The following FBXO11 variants were observed in gnomAD, a reference collection of about 807,000 sequenced individuals.
FBXO11 encodes F-box protein 11.
Under a neutral mutation model 117.0 loss-of-function variants are expected in FBXO11, and 13 were observed. The observed-to-expected ratio is 0.11, with a 90% confidence interval of 0.07 to 0.18. The LOEUF is 0.18. Among genes scored for constraint, FBXO11 ranks in the 10% least tolerant of loss-of-function variants. The pLI, the probability that FBXO11 is intolerant of heterozygous loss-of-function variation, is 1.00. For synonymous variants in FBXO11, 490 were observed against 380.5 expected (o/e 1.29, Z -3.35); for missense variants, 767 against 1,164.4 (o/e 0.66, Z 4.97).
Position 47,855,013 on chromosome 2 carries a change from C to G in FBXO11, c.233-15244G>C, listed in dbSNP as rs185487848. Among the ~76,000 whole-genome samples the G allele has an allele frequency of 2.8e-3, 432 of 151,866 alleles. 13 individuals carry two copies. The highest frequency in any genetic ancestry group is 1.4e-3 in the East Asian group (7 of 5,182). On this transcript the variant is annotated intron_variant, in intron 1 of 22. Transcript: ENST00000403359. ...TATCAGCAATAAATTAGAAAAAGGC[C>G]TGGATTAGGGTGGTGGTAGTAAGAA...
rs1232204013 is a variant in FBXO11, at chr2:47,834,573, A to G, written c.934+6T>C. ...AAAATTTTAATGACAATGCATTTCA[A>G]AATACCTGCACCAATCATGGTGATT... On this transcript the variant is annotated splice_donor_region_variant and intron_variant, in intron 7 of 22. Coordinates refer to ENST00000403359, the MANE Select transcript of FBXO11 (RefSeq NM_001190274.2). The G allele has an allele frequency of 1.3e-6, 2 of 1,537,102 alleles. No individual in the cohort carries two copies. The highest frequency in any genetic ancestry group is 2.2e-5 in the Admixed American group (1 of 44,554).
At chr2:47,847,381 G>A (rs905831571) in intron 1 of FBXO11, among the ~76,000 whole-genome samples, 1 of 152,132 alleles carries the variant, frequency 6.6e-6, no homozygotes, top group African/African-American at 2.4e-5. Context: ...GTAAATAACT[G>A]CCTATCTAAA....
In FBXO11 at chr2:47,906,178, G is replaced by C. The variant is rs1658927849; in HGVS notation, c.-458C>G. On this transcript the variant is annotated 5_prime_UTR_variant, in exon 1 of 23. Coordinates refer to ENST00000403359, the MANE Select transcript of FBXO11 (RefSeq NM_001190274.2). ...CGGGCGGGTGAGGAAGGGAGAAAAA[G>C]AGAGGGAGAGAAGGGAGGGAGGGAG... 5.5e-6 allele frequency: 1 copy of C among 181,728 alleles called. No homozygotes were observed. The highest frequency in any genetic ancestry group is 8.6e-5 in the South Asian group (1 of 11,606). The allele number at this position is 181,728 out of a possible 1,614,324, so 11.3% of individuals were successfully genotyped here. A position where few individuals can be genotyped will look rare whatever the true frequency, so the allele number is the denominator to read the frequency against.
intron 11 of FBXO11, among the ~76,000 whole-genome samples, chr2:47,831,255 A>G (rs1268474495): frequency 2.6e-5 from 4 of 151,832 alleles, no homozygotes; most frequent in African/African-American, 9.6e-5. Context: ...TGTTTCTACT[A>G]AAAATACAAA....
chr2:47,844,905 G>C (rs917952455), intron 1 of FBXO11, among the ~76,000 whole-genome samples: 3 of 152,156 alleles, frequency 2.0e-5, no homozygotes, highest in Admixed American at 2.0e-4. Context: ...CCAAAGTGCT[G>C]GGATTACAGG....
intron 1 of FBXO11, among the ~76,000 whole-genome samples, chr2:47,840,607 C>T (rs1157732668): frequency 6.6e-6 from 1 of 151,664 alleles, no homozygotes; most frequent in Non-Finnish European, 1.5e-5. Context: ...TGCACCACCA[C>T]CCAGCTAACT....
chr2:47,859,888 C>G (rs17037018), intron 1 of FBXO11, among the ~76,000 whole-genome samples: 23,050 of 151,974 alleles, frequency 0.15, 1,876 homozygotes, highest in Non-Finnish European at 0.18. Context: ...TTATCAGTAC[C>G]AAGCTATTTT....
Position 47,815,156 on chromosome 2 carries a change from G to A in FBXO11, c.2007-1289C>T, listed in dbSNP as rs538549469. 2.6e-5 allele frequency among the ~76,000 whole-genome samples: 4 copies of A among 151,348 alleles called. No homozygotes were observed. In the East Asian group the frequency reaches 7.8e-4, roughly 29 times the overall value. On this transcript the variant is annotated intron_variant, in intron 16 of 22. Transcript: ENST00000403359. The stretch of plus-strand genomic sequence containing the variant: ...TCCAAACTCCTGTTAATTTTTTTTT[G>A]TCCTGGCCATAAAAACGTTTATTTT...
intron 1 of FBXO11, among the ~76,000 whole-genome samples, chr2:47,865,558 T>C (rs1370467739): frequency 1.3e-5 from 2 of 152,228 alleles, no homozygotes; most frequent in African/African-American, 4.8e-5. Context: ...CTCTAGATGC[T>C]TACCTGTAGA....
chr2:47,882,096 A>G (rs1244758524), intron 1 of FBXO11, among the ~76,000 whole-genome samples: 2 of 152,116 alleles, frequency 1.3e-5, no homozygotes, highest in Non-Finnish European at 2.9e-5. Context: ...TTACACACCA[A>G]TCATTTCCCC....
intron 1 of FBXO11, among the ~76,000 whole-genome samples, chr2:47,875,355 T>C (rs1200136691): frequency 6.6e-6 from 1 of 152,190 alleles, no homozygotes; most frequent in African/African-American, 2.4e-5. Context: ...GCGTTTATCT[T>C]CTAATTCGTA....
At chr2:47,810,126 T>G (rs967781318) in intron 19 of FBXO11, 190 bp downstream of exon 19, 92 of 534,418 alleles carry the variant, frequency 1.7e-4, no homozygotes, top group Admixed American at 5.1e-4. Flanking sequence ...CAATATTTCT[T>G]AGGAGTCTGG....
At chr2:47,851,107 A>G (rs1673823329) in intron 1 of FBXO11, among the ~76,000 whole-genome samples, 3 of 152,204 alleles carry the variant, frequency 2.0e-5, no homozygotes, top group African/African-American at 7.2e-5. Flanking sequence ...ATATGGCCAG[A>G]GTTATCAAAT....
chr2:47,900,768 A>ATATACACGTATACACACACGTGTATATC (rs1678145333), intron 1 of FBXO11, among the ~76,000 whole-genome samples: 3 of 109,342 alleles, frequency 2.7e-5, no homozygotes, highest in Admixed American at 8.7e-5. Flanking sequence ...ACGTGTATAT[A>ATATACACGTATACACACACGTGTATATC]TATACACGTA....
chr2:47,830,281 C>T (rs1375443540), intron 11 of FBXO11, among the ~76,000 whole-genome samples: 1 of 151,918 alleles, frequency 6.6e-6, no homozygotes, highest in Non-Finnish European at 1.5e-5. Flanking sequence ...TCTACAGAAT[C>T]GTGAGGGAAA....
At chr2:47,859,502 G>T (rs1465191717) in intron 1 of FBXO11, among the ~76,000 whole-genome samples, 3 of 152,098 alleles carry the variant, frequency 2.0e-5, no homozygotes, top group Non-Finnish European at 2.9e-5. Flanking sequence ...AAAGTAACAG[G>T]CTCTAGATGA....
chr2:47,892,746 T>G (rs936112453), intron 1 of FBXO11, among the ~76,000 whole-genome samples: 3 of 152,184 alleles, frequency 2.0e-5, no homozygotes, highest in Non-Finnish European at 4.4e-5. Flanking sequence ...TCTAGATACA[T>G]GGCCAAAACA....
rs149147739 is a variant in FBXO11, at chr2:47,848,993, A to G, written c.233-9224T>C. 5.0e-3 allele frequency among the ~76,000 whole-genome samples: 761 copies of G among 152,308 alleles called. 5 individuals carry two copies. The highest frequency in any genetic ancestry group is 0.018 in the African/African-American group (728 of 41,568). ...TTTCCCCACAAATACACAAATTCCA[A>G]TTTACTTACCCATAGTCACAGATCA... is the stretch of plus-strand genomic sequence containing the variant. On this transcript the variant is annotated intron_variant, in intron 1 of 22. Coordinates refer to ENST00000403359, the MANE Select transcript of FBXO11 (RefSeq NM_001190274.2).
rs1670315365 is a variant in FBXO11 at position 47,807,647 on chromosome 2, TTC to T, written c.*469_*470del. The T allele has an allele frequency of 2.3e-5, 5 of 216,248 alleles. No individual in the cohort carries two copies. In the East Asian group the frequency reaches 3.4e-4, roughly 15 times the overall value. The allele number at this position is 216,248 out of a possible 1,614,324, so 13.4% of individuals were successfully genotyped here. A position where few individuals can be genotyped will look rare whatever the true frequency, so the allele number is the denominator to read the frequency against. The stretch of plus-strand genomic sequence containing the variant: ...TGAGATTAAAGCATTAAAATCATAT[TTC>T]TCAATCTGAATACATGTTAAAAAAA... On this transcript the variant is annotated 3_prime_UTR_variant, in exon 23 of 23. Transcript: ENST00000403359.
Sources: gnomAD v4.1 joint callset for allele counts (sites outside exome capture counted in the v4.1 genomes callset) on GRCh38, gnomAD v4.1.1 for gene constraint, MANE v1.5 for transcripts, NCBI Gene and HGNC (gene_info 2026-07-23, HGNC 2026-07-21) for gene names.